Variants in LDHB observed in about 807,000 individuals in gnomAD.
LDHB encodes lactate dehydrogenase B.
LDHB carries 18 observed loss-of-function variants against 33.4 expected under a neutral mutation model. The ratio of observed to expected loss-of-function variants is 0.54; its 90% CI spans 0.37 to 0.80. The LOEUF (loss-of-function observed/expected upper bound fraction) is 0.80. LDHB is among the 30% of genes least tolerant of loss of function. LDHB has a pLI of 0.00. For missense variants in LDHB, 345 were observed against 407.9 expected (o/e 0.85, Z 1.33); for synonymous variants, 121 against 140.6 (o/e 0.86, Z 0.98).
chr12:21,635,374 A>G lies in LDHB; in HGVS notation c.*168T>C, dbSNP rs1177778442. 3 of 649,330 alleles carry G rather than the reference A, an allele frequency of 4.6e-6. No individual in the cohort carries two copies. The highest frequency in any genetic ancestry group is 8.2e-6 in the Non-Finnish European group (3 of 364,706). The allele number at this position is 649,330 out of a possible 1,614,324, so 40.2% of individuals were successfully genotyped here. ...CAATAGTTAATTTTATTTGTTCAAG[A>G]GCTCAGATTGCAAGCATTAAACCAA... On this transcript the variant is annotated 3_prime_UTR_variant, in exon 8 of 8. Transcript: ENST00000350669.
intron 5 of LDHB, among the ~76,000 whole-genome samples, chr12:21,639,100 T>C (rs901956270): frequency 2.0e-5 from 3 of 151,884 alleles, no homozygotes; most frequent in South Asian, 4.1e-4. Flanking sequence ...GAATCTACTA[T>C]GACTGAAACA....
intron 2 of LDHB, among the ~76,000 whole-genome samples, chr12:21,647,694 T>C (rs1938563704): frequency 6.6e-6 from 1 of 152,184 alleles, no homozygotes; most frequent in Admixed American, 6.5e-5. Flanking sequence ...GTCATATTTT[T>C]TTTTGAGACG....
chr12:21,641,118 A>C (rs1938359725), intron 5 of LDHB, among the ~76,000 whole-genome samples: 1 of 152,190 alleles, frequency 6.6e-6, no homozygotes, highest in Non-Finnish European at 1.5e-5. Context: ...AAAATTGATG[A>C]GGAGTCAGAC....
At chr12:21,645,529 G>A (rs887981173) in intron 3 of LDHB, among the ~76,000 whole-genome samples, 1 of 152,198 alleles carries the variant, frequency 6.6e-6, no homozygotes, top group Non-Finnish European at 1.5e-5. Context: ...ACTGAGATAG[G>A]AGAACACTGC....
At chr12:21,651,797 AT>A (rs1938698296) in intron 2 of LDHB, among the ~76,000 whole-genome samples, 1 of 152,264 alleles carries the variant, frequency 6.6e-6, no homozygotes, top group Admixed American at 6.5e-5. Flanking sequence ...TTAAAATAAT[AT>A]TTAGACATTC....
intron 7 of LDHB, among the ~76,000 whole-genome samples, chr12:21,636,396 G>A (rs1938218483): frequency 6.6e-6 from 1 of 151,180 alleles, no homozygotes; most frequent in Non-Finnish European, 1.5e-5. Context: ...GTTCGTGTGG[G>A]TAATTTATTC....
intron 6 of LDHB, 135 bp downstream of exon 6, chr12:21,638,218 T>C (rs1374656824): frequency 1.5e-6 from 1 of 655,236 alleles, no homozygotes. Context: ...AAAAGTCTTA[T>C]CAGTTTCAAA....
At position 21,641,996 on chromosome 12, in the gene LDHB, C is replaced by T; in HGVS notation, c.551G>A (p.Ser184Asn). ...CCCCAAAATCCATCCATGGCAGCTGCTGGGATGAATGCCAAGTTTTTCAGC... is the reference window on the plus strand; with the variant it reads ...CCCCAAAATCCATCCATGGCAGCTGTTGGGATGAATGCCAAGTTTTTCAGC... ...LMAEKLGIHP[S>N]SCHGWILGEH... Residue 184 changes from serine (S) to asparagine (N), a missense_variant, in exon 5 of 8, where the codon AGC becomes AAC. By Grantham distance (46) the Ser-to-Asn change is conservative. Transcript: ENST00000350669. The T allele has an allele frequency of 1.9e-6, 3 of 1,613,514 alleles. No homozygotes were observed. Among genetic ancestry groups the T allele is most frequent in the Non-Finnish European group, 8.5e-7 (1 of 1,179,704 alleles).
At chr12:21,641,773 A>G (rs895121148) in intron 5 of LDHB, among the ~76,000 whole-genome samples, 179 bp downstream of exon 5, 2 of 152,182 alleles carry the variant, frequency 1.3e-5, no homozygotes, top group Non-Finnish European at 2.9e-5. Context: ...TGATAGGTAG[A>G]TAGAGAGATG....
At chr12:21,644,236 GTAT>G in intron 3 of LDHB, 128 bp from the exon 4 acceptor site, 1 of 679,354 alleles carries the variant, frequency 1.5e-6, no homozygotes, top group South Asian at 1.9e-5. Context: ...TAAGTTTTCT[GTAT>G]TGTAAGGGCT....
chr12:21,635,607 C>A lies in LDHB; in HGVS notation c.940G>T (p.Val314Phe). The A allele has an allele frequency of 1.2e-6, 2 of 1,613,244 alleles. No homozygotes were observed. The highest frequency in any genetic ancestry group is 2.2e-5 in the East Asian group (1 of 44,876). ...VINQKLKDDEVAQLKKSADTL... is the reference protein window; with the variant it reads ...VINQKLKDDEFAQLKKSADTL... ...TCTGCACTTTTCTTGAGCTGAGCAA[C>A]CTCATCATCCTTTAGCTTCTGGTTG... Residue 314 changes from valine to phenylalanine, a missense_variant, in exon 8 of 8, where the codon GTT becomes TTT. Coordinates refer to ENST00000350669, the MANE Select transcript of LDHB (RefSeq NM_002300.8).
chr12:21,635,743 T>C (rs1181268747), intron 7 of LDHB, 34 bp from the exon 8 acceptor site: 2 of 1,600,124 alleles, frequency 1.2e-6, no homozygotes, highest in South Asian at 1.1e-5. Flanking sequence ...GATTAAGACA[T>C]GAAACTGTAA....
intron 3 of LDHB, 96 bp downstream of exon 3, chr12:21,646,803 T>A: frequency 1.3e-6 from 1 of 783,936 alleles, no homozygotes; most frequent in Non-Finnish European, 2.3e-6. Flanking sequence ...CCTTTCCTAC[T>A]TACAAATAAA....
In LDHB at chr12:21,643,689, T is replaced by C. The variant is rs1938433579; in HGVS notation, c.421+246A>G. On this transcript the variant is annotated intron_variant, in intron 4 of 7. Coordinates refer to ENST00000350669, the MANE Select transcript of LDHB (RefSeq NM_002300.8). ...AAGTTTTAAAAGCCTTCAGAATCTA[T>C]AACCAAGCCAGATGAAGCAAAAACA... 6 of 505,206 alleles carry C rather than the reference T, an allele frequency of 1.2e-5. No individual in the cohort carries two copies. In the South Asian group the frequency reaches 1.5e-4, roughly 12 times the overall value. The allele number at this position is 505,206 out of a possible 1,614,324, so 31.3% of individuals were successfully genotyped here.
intron 5 of LDHB, 24 bp from the exon 6 acceptor site, chr12:21,638,494 C>G: frequency 2.2e-6 from 3 of 1,358,208 alleles, no homozygotes; most frequent in Non-Finnish European, 3.1e-6. Flanking sequence ...AAAAAAAAGA[C>G]ATTGCAGTTA....
At chr12:21,638,505 T>C (rs752120792) in intron 5 of LDHB, 35 bp from the exon 6 acceptor site, 2 of 1,318,952 alleles carry the variant, frequency 1.5e-6, no homozygotes, top group Admixed American at 3.4e-5. Context: ...ATTGCAGTTA[T>C]TTCTTACATT....
chr12:21,643,910 A>T, intron 4 of LDHB, 25 bp downstream of exon 4: 1 of 1,541,804 alleles, frequency 6.5e-7, no homozygotes, highest in Non-Finnish European at 9.0e-7. Flanking sequence ...TTAACAGAAC[A>T]GAGACTTAAA....
At chr12:21,656,363 T>C (rs183526600) in intron 1 of LDHB, among the ~76,000 whole-genome samples, 2 of 152,308 alleles carry the variant, frequency 1.3e-5, no homozygotes, top group South Asian at 2.1e-4. Flanking sequence ...CCTCCACAAA[T>C]AGATGACCTT....
intron 4 of LDHB, chr12:21,643,552 T>C (rs1404711994): frequency 9.6e-6 from 2 of 207,998 alleles, no homozygotes; most frequent in African/African-American, 4.7e-5. Flanking sequence ...GTTTCAATTC[T>C]GTATAATGGG....
Sources: allele counts gnomAD v4.1 joint callset (sites outside exome capture counted in the v4.1 genomes callset), GRCh38; gene constraint gnomAD v4.1.1; transcripts MANE v1.5; gene names NCBI Gene and HGNC (gene_info 2026-07-23, HGNC 2026-07-21).